MPC2: variants seen among roughly 807,000 people sequenced by gnomAD.
MPC2 encodes the protein brain protein 44.
A neutral mutation model predicts 19.2 loss-of-function variants in MPC2; 19 were observed. The ratio of observed to expected loss-of-function variants is 0.99; its 90% CI spans 0.69 to 1.45. The LOEUF (loss-of-function observed/expected upper bound fraction) is 1.45, where lower values mean the gene tolerates loss of function less well. Ranked by LOEUF, MPC2 falls within the 40% of genes most tolerant of loss-of-function variation. The pLI is 0.00. For synonymous variants in MPC2, 61 were observed against 54.3 expected (o/e 1.12, Z -0.54); for missense variants, 122 against 153.0 (o/e 0.80, Z 1.07).
At chr1:167,933,642 AAATACTGTTAGGCAAAAT>A (rs1262066974) in intron 2 of MPC2, among the ~76,000 whole-genome samples, 1 of 152,248 alleles carries the variant, frequency 6.6e-6, no homozygotes, top group Admixed American at 6.5e-5. Flanking sequence ...ATTCAATAAC[AAATACTGTTAGGCAAAAT>A]AGTATGCAAA....
rs2102522884 is a variant in MPC2, at chr1:167,918,092, T to C, written c.*231A>G. On this transcript the variant is annotated 3_prime_UTR_variant, in exon 6 of 6. Transcript: ENST00000271373. ...GTATATACGAGCAAGTATGGTTTATTACGGACAAATGGTAGAAAAATGTTA... is the reference window on the plus strand; with the variant it reads ...GTATATACGAGCAAGTATGGTTTATCACGGACAAATGGTAGAAAAATGTTA... The C allele has an allele frequency of 4.7e-6, 2 of 425,944 alleles. No homozygotes were observed. The highest frequency in any genetic ancestry group is 8.4e-6 in the Non-Finnish European group (2 of 238,678). 26.4% of individuals were successfully genotyped at this position (425,944 alleles called of 1,614,324 possible). A position where few individuals can be genotyped will look rare whatever the true frequency, so the allele number is the denominator to read the frequency against.
intron 2 of MPC2, among the ~76,000 whole-genome samples, chr1:167,926,724 G>T (rs1423474797): frequency 6.6e-6 from 1 of 152,138 alleles, no homozygotes; most frequent in African/African-American, 2.4e-5. Context: ...AAAGTAGAGG[G>T]TTAAGAAATC....
intron 3 of MPC2, among the ~76,000 whole-genome samples, chr1:167,923,123 T>C (rs1161046970): frequency 6.6e-6 from 1 of 152,176 alleles, no homozygotes; most frequent in Non-Finnish European, 1.5e-5. Context: ...AAATGTAAAA[T>C]AATGTAGTTG....
At chr1:167,921,628 A>C (rs1299587866) in intron 3 of MPC2, among the ~76,000 whole-genome samples, 1 of 152,030 alleles carries the variant, frequency 6.6e-6, no homozygotes, top group Non-Finnish European at 1.5e-5. Flanking sequence ...CTCCCACCAG[A>C]TGAGCTGTAT....
intron 3 of MPC2, among the ~76,000 whole-genome samples, chr1:167,923,524 T>C (rs530645489): frequency 2.4e-4 from 36 of 152,036 alleles, no homozygotes; most frequent in Non-Finnish European, 4.4e-4. Flanking sequence ...GGTAGAATGG[T>C]GGTTGCCAGG....
At position 167,916,921 on chromosome 1, in the gene MPC2, C is replaced by G. The variant is rs901831993; in HGVS notation, c.*1402G>C. On this transcript the variant is annotated 3_prime_UTR_variant, in exon 6 of 6. Transcript: ENST00000271373. ...CCTCTTCATTGTGGCCTATGTCAAGCTCTCTAATCTTTTCTCCTCAATGGT... is the reference window on the plus strand; with the variant it reads ...CCTCTTCATTGTGGCCTATGTCAAGGTCTCTAATCTTTTCTCCTCAATGGT... 1 of 152,158 alleles carries G rather than the reference C, an allele frequency of 6.6e-6. No homozygotes were observed. The highest frequency in any genetic ancestry group is 2.4e-5 in the African/African-American group (1 of 41,432). The allele number at this position is 152,158 out of a possible 1,614,324, so 9.4% of individuals were successfully genotyped here.
chr1:167,928,235 CTA>C (rs759004709), intron 2 of MPC2, among the ~76,000 whole-genome samples: 151 of 151,382 alleles, frequency 1.0e-3, no homozygotes, highest in Non-Finnish European at 1.5e-3. Context: ...GTAGTCCCAG[CTA>C]CTCGGGAGGC....
At chr1:167,935,683 G>C in intron 2 of MPC2, 50 bp downstream of exon 2, 2 of 1,484,276 alleles carry the variant, frequency 1.3e-6, no homozygotes. Context: ...GTCCATTTTA[G>C]AGGAAGCGAG....
Position 167,918,939 on chromosome 1 carries a change from A to G in MPC2, c.348-580T>C, listed in dbSNP as rs527602740. Among the ~76,000 whole-genome samples the G allele has an allele frequency of 7.9e-5, 12 of 152,242 alleles. No homozygotes were observed. In the East Asian group the frequency reaches 2.3e-3, roughly 29 times the overall value. ...TAGCTGACATATAGTTTCCTGTGCA[A>G]AAGTATTATTTTAATAAAAATATTC... On this transcript the variant is annotated intron_variant, in intron 5 of 5. Transcript: ENST00000271373.
intron 5 of MPC2, 114 bp from the exon 6 acceptor site, chr1:167,918,473 C>G: frequency 1.7e-6 from 1 of 598,746 alleles, no homozygotes; most frequent in Non-Finnish European, 2.8e-6. Flanking sequence ...AGTAGCTATA[C>G]AGTTGTAAAC....
chr1:167,935,586 G>T, intron 2 of MPC2, 147 bp downstream of exon 2: 2 of 661,406 alleles, frequency 3.0e-6, no homozygotes, highest in Non-Finnish European at 5.4e-6. Flanking sequence ...GAAATGCACA[G>T]GCTAGGAGAG....
At position 167,937,022 on chromosome 1, in the gene MPC2, C is replaced by A. The variant is rs1235744511; in HGVS notation, c.-141G>T. 6.2e-7 allele frequency: 1 copy of A among 1,601,540 alleles called. No homozygotes were observed. Among genetic ancestry groups the A allele is most frequent in the African/African-American group, 1.3e-5 (1 of 74,916 alleles). On this transcript the variant is annotated 5_prime_UTR_variant, in exon 1 of 6. Coordinates refer to ENST00000271373, the MANE Select transcript of MPC2 (RefSeq NM_001143674.4). ...GTCGCTACCTGGGTGAGCGGGGGCC[C>A]CGGGGCGGAGGCGCTGAGGTCGCCG...
chr1:167,925,464 T>TACATATAC, intron 2 of MPC2, among the ~76,000 whole-genome samples: 1 of 116,616 alleles, frequency 8.6e-6, no homozygotes, highest in East Asian at 2.4e-4. Flanking sequence ...TATATATATA[T>TACATATAC]ATATATATAT....
intron 2 of MPC2, among the ~76,000 whole-genome samples, chr1:167,926,179 C>T (rs1308294810): frequency 6.6e-6 from 1 of 152,126 alleles, no homozygotes. Flanking sequence ...TGTGTACGTT[C>T]GAATTTTCCG....
At chr1:167,936,271 A>C (rs1271589061) in intron 1 of MPC2, 1 of 208,764 alleles carries the variant, frequency 4.8e-6, no homozygotes, top group Non-Finnish European at 9.8e-6. Context: ...ATGTTGGAGA[A>C]GGGAAAGTGA....
rs1434911164 is a variant in MPC2, at chr1:167,917,312, A to C, written c.*1011T>G. 1 of 152,224 alleles carries C rather than the reference A, an allele frequency of 6.6e-6. No homozygotes were observed. The highest frequency in any genetic ancestry group is 1.5e-5 in the Non-Finnish European group (1 of 68,038). The allele number at this position is 152,224 out of a possible 1,614,324, so 9.4% of individuals were successfully genotyped here. On this transcript the variant is annotated 3_prime_UTR_variant, in exon 6 of 6. Transcript: ENST00000271373. ...ACTTTCCTAACTTGTCTAAAGTCACAGCATAGGCTGGGTATGGTGGCTCAT... is the reference window on the plus strand; with the variant it reads ...ACTTTCCTAACTTGTCTAAAGTCACCGCATAGGCTGGGTATGGTGGCTCAT...
intron 2 of MPC2, among the ~76,000 whole-genome samples, chr1:167,925,475 A>G (rs1260885697): frequency 1.0e-5 from 1 of 98,502 alleles, no homozygotes; most frequent in African/African-American, 5.5e-5. Flanking sequence ...ATATATATAT[A>G]CATATACATA....
chr1:167,919,292 T>C (rs955559426), intron 5 of MPC2, among the ~76,000 whole-genome samples: 5 of 152,174 alleles, frequency 3.3e-5, no homozygotes, highest in South Asian at 2.1e-4. Flanking sequence ...CCTTCTACCA[T>C]ACCTTGGGCT....
At chr1:167,920,192 G>T (rs1557851713) in intron 4 of MPC2, 102 bp from the exon 5 acceptor site, 3 of 733,426 alleles carry the variant, frequency 4.1e-6, no homozygotes, top group Non-Finnish European at 4.5e-6. Context: ...AATGTAGGAT[G>T]AGGGACAAAG....
Sources: allele counts gnomAD v4.1 joint callset (sites outside exome capture counted in the v4.1 genomes callset), GRCh38; gene constraint gnomAD v4.1.1; transcripts MANE v1.5; gene names NCBI Gene and HGNC (gene_info 2026-07-23, HGNC 2026-07-21).